Variants in MED27 observed in about 807,000 individuals in gnomAD.
The protein encoded by MED27 is mediator complex subunit 27, also known as mediator of RNA polymerase II transcription subunit 27.
In MED27, 30 loss-of-function variants were observed where a neutral mutation model predicts 38.2. That is an observed-to-expected ratio of 0.79 (90% CI 0.59 to 1.07). MED27 has a LOEUF of 1.07. MED27 is among the 50% of genes least tolerant of loss of function. The pLI is 0.00. For synonymous variants in MED27, 122 were observed against 153.5 expected, an observed-to-expected ratio of 0.79 and a Z score of 1.52; for missense variants, 289 against 397.5, an observed-to-expected ratio of 0.73 and a Z score of 2.32.
chr9:132,068,443 G>T (rs1833857944), intron 2 of MED27, among the ~76,000 whole-genome samples: 3 of 152,196 alleles, frequency 2.0e-5, no homozygotes, highest in Admixed American at 1.3e-4. Flanking sequence ...CTCGAGAGCT[G>T]CAGAGTGGAA....
rs115171632 is a variant in MED27, at chr9:131,960,498, C to T, written c.480-21024G>A. Among the ~76,000 whole-genome samples, 636 of 152,314 alleles carry T rather than the reference C, an allele frequency of 4.2e-3. 6 individuals are homozygous for T. The highest frequency in any genetic ancestry group is 0.014 in the African/African-American group (588 of 41,566). ...TAATGATCCAGCAAAGAGTCTCTCT[C>T]ACTCAGATCTCACCTTTGTCTTGAC... On this transcript the variant is annotated intron_variant, in intron 3 of 7. Coordinates refer to ENST00000292035, the MANE Select transcript of MED27 (RefSeq NM_004269.4).
At chr9:131,992,818 C>T (rs769826851) in intron 3 of MED27, among the ~76,000 whole-genome samples, 3 of 152,190 alleles carry the variant, frequency 2.0e-5, no homozygotes, top group Admixed American at 6.5e-5. Flanking sequence ...AAACTCACCA[C>T]CCACAATATT....
chr9:131,886,884 T>C (rs1402488388), intron 5 of MED27, among the ~76,000 whole-genome samples: 2 of 152,232 alleles, frequency 1.3e-5, no homozygotes, highest in African/African-American at 2.4e-5. Context: ...TTGCATCGTT[T>C]AGTTGTACCA....
chr9:131,861,643 A>T lies in MED27; in HGVS notation c.802-971T>A, dbSNP rs1838653652. 1.3e-5 allele frequency among the ~76,000 whole-genome samples: 2 copies of T among 152,208 alleles called. No homozygotes were observed. Among genetic ancestry groups the T allele is most frequent in the African/African-American group, 4.8e-5 (2 of 41,438 alleles). On this transcript the variant is annotated intron_variant, in intron 7 of 7. Coordinates refer to ENST00000292035, the MANE Select transcript of MED27 (RefSeq NM_004269.4). This position sits in a 1 kb window ranked among gnomAD's most constrained non-coding sequence, Gnocchi z 4.4. ...TACTTATTTTTCCCTAAGTAGAAGAAGTTCTGTCTCTGCCACAAATAGTAC... is the reference window on the plus strand; with the variant it reads ...TACTTATTTTTCCCTAAGTAGAAGATGTTCTGTCTCTGCCACAAATAGTAC...
intron 6 of MED27, among the ~76,000 whole-genome samples, chr9:131,869,582 G>A (rs1838794968): frequency 1.3e-5 from 2 of 152,106 alleles, no homozygotes. Flanking sequence ...AGTGAGTGCA[G>A]GTTTGAAAAA....
chr9:131,943,803 T>C (rs948273843), intron 3 of MED27, among the ~76,000 whole-genome samples: 2 of 152,216 alleles, frequency 1.3e-5, no homozygotes, highest in Non-Finnish European at 2.9e-5. Flanking sequence ...AATGGAGAGC[T>C]GCTTGGTTCT....
chr9:131,967,744 C>T (rs941855534), intron 3 of MED27, among the ~76,000 whole-genome samples: 4 of 151,606 alleles, frequency 2.6e-5, no homozygotes, highest in Non-Finnish European at 4.4e-5. Flanking sequence ...TCAGGTGATC[C>T]GCCCTCCTCA....
chr9:132,056,247 C>T (rs1833574213), intron 2 of MED27, among the ~76,000 whole-genome samples: 1 of 152,204 alleles, frequency 6.6e-6, no homozygotes, highest in Admixed American at 6.5e-5. Context: ...ACAACAGACA[C>T]TGCTCATGCA....
intron 3 of MED27, among the ~76,000 whole-genome samples, chr9:131,969,332 T>C: frequency 6.6e-6 from 1 of 152,138 alleles, no homozygotes; most frequent in Admixed American, 6.5e-5. Flanking sequence ...ATCAGTCCTC[T>C]TTGCTGGGAC....
intron 4 of MED27, among the ~76,000 whole-genome samples, chr9:131,894,294 T>C (rs1217998100): frequency 6.6e-6 from 1 of 152,252 alleles, no homozygotes; most frequent in Non-Finnish European, 1.5e-5. Context: ...AATCCTTCCC[T>C]TTCCCATTTT....
At chr9:131,864,717 G>C (rs1446347397) in intron 6 of MED27, among the ~76,000 whole-genome samples, 5 of 152,252 alleles carry the variant, frequency 3.3e-5, no homozygotes, top group Non-Finnish European at 7.3e-5. Flanking sequence ...AGCTGGAGAG[G>C]CTGCCCCACA....
intron 2 of MED27, among the ~76,000 whole-genome samples, chr9:132,039,855 G>T (rs982693046): frequency 6.6e-6 from 1 of 152,146 alleles, no homozygotes; most frequent in African/African-American, 2.4e-5. Flanking sequence ...GACACCACTC[G>T]CCTCTGTGAC....
chr9:132,034,020 T>C (rs1589278621), intron 2 of MED27, among the ~76,000 whole-genome samples: 2 of 152,248 alleles, frequency 1.3e-5, no homozygotes, highest in Admixed American at 6.5e-5. Context: ...CTATTAATAA[T>C]ATAACAGTGC....
chr9:131,968,567 G>C (rs752222537), intron 3 of MED27, among the ~76,000 whole-genome samples: 5 of 151,944 alleles, frequency 3.3e-5, no homozygotes, highest in Admixed American at 6.5e-5. Context: ...TGCATGCAGA[G>C]ATAGGCCCAA....
At chr9:132,070,656 A>C (rs1041164523) in intron 2 of MED27, among the ~76,000 whole-genome samples, 4 of 152,170 alleles carry the variant, frequency 2.6e-5, no homozygotes, top group African/African-American at 9.7e-5. Flanking sequence ...CTGAGTACCA[A>C]GATGAGAAGA....
At chr9:131,870,842 CT>C (rs979426963) in intron 6 of MED27, among the ~76,000 whole-genome samples, 5 of 152,194 alleles carry the variant, frequency 3.3e-5, no homozygotes, top group African/African-American at 9.7e-5. Flanking sequence ...TGGCTCCCTG[CT>C]ATGTGCTGGC....
At position 131,958,333 on chromosome 9, in the gene MED27, C is replaced by T. The variant is rs114828120; in HGVS notation, c.480-18859G>A. On this transcript the variant is annotated intron_variant, in intron 3 of 7. Coordinates refer to ENST00000292035, the MANE Select transcript of MED27 (RefSeq NM_004269.4). The stretch of plus-strand genomic sequence containing the variant: ...GATCTCAGCTCACTGCACACCTCCG[C>T]CTCCCGAGTTCTAGCGATTCTCCTG... Among the ~76,000 whole-genome samples, 788 of 151,908 alleles carry T rather than the reference C, an allele frequency of 5.2e-3. 3 individuals are homozygous for T. Among genetic ancestry groups the T allele is most frequent in the African/African-American group, 0.017 (706 of 41,430 alleles).
intron 4 of MED27, among the ~76,000 whole-genome samples, chr9:131,908,889 A>G (rs571070262): frequency 6.6e-6 from 1 of 152,214 alleles, no homozygotes; most frequent in East Asian, 1.9e-4. Context: ...AAAAAAAAAA[A>G]AAGAACTTTA....
Position 131,939,444 on chromosome 9 carries a change from G to T in MED27, c.510C>A (p.Asp170Glu), listed in dbSNP as rs1830744311. The T allele has an allele frequency of 6.2e-7, 1 of 1,611,584 alleles. No homozygotes were observed. Among genetic ancestry groups the T allele is most frequent in the African/African-American group, 1.3e-5 (1 of 74,806 alleles). ...QYVDDVISRI[D>E]RMFPEMSIHL... ...GGATGGACATTTCAGGAAACATCCTGTCAATGCGGCTGATCACATCATCAA... is the reference window on the plus strand; with the variant it reads ...GGATGGACATTTCAGGAAACATCCTTTCAATGCGGCTGATCACATCATCAA... The change falls in exon 4 of 8, where the codon GAC (aspartate) becomes GAA (glutamate). Residue 170 changes from aspartate (D) to glutamate (E), a missense_variant. Asp to Glu is a conservative substitution (Grantham distance 45, BLOSUM62 2). Transcript: ENST00000292035.
Sources: allele counts gnomAD v4.1 joint callset (sites outside exome capture counted in the v4.1 genomes callset), GRCh38; gene constraint gnomAD v4.1.1; non-coding constraint Gnocchi (gnomAD v3.1); transcripts MANE v1.5; gene names NCBI Gene and HGNC (gene_info 2026-07-23, HGNC 2026-07-21).